RIMS2: variants seen among roughly 807,000 people sequenced by gnomAD.
The protein encoded by RIMS2 is regulating synaptic membrane exocytosis 2.
In RIMS2, 59 loss-of-function variants were observed where a neutral mutation model predicts 174.4. The ratio of observed to expected loss-of-function variants is 0.34; its 90% CI spans 0.27 to 0.42. RIMS2 has a LOEUF of 0.42. RIMS2 is among the 10% of genes least tolerant of loss of function. RIMS2 has a pLI of 1.00. For missense variants in RIMS2, 1,620 were observed against 1,666.3 expected (o/e 0.97, Z 0.48); for synonymous variants, 606 against 572.5 (o/e 1.06, Z -0.84).
At chr8:103,728,696 A>G (rs1358594972) in intron 2 of RIMS2, among the ~76,000 whole-genome samples, 2 of 136,496 alleles carry the variant, frequency 1.5e-5, no homozygotes, top group African/African-American at 5.6e-5. Flanking sequence ...ACAGTGTTAT[A>G]CTCAATGTAG....
chr8:103,579,538 A>G (rs1387001565), intron 1 of RIMS2, among the ~76,000 whole-genome samples: 1 of 152,214 alleles, frequency 6.6e-6, no homozygotes, highest in Non-Finnish European at 1.5e-5. Flanking sequence ...ATTTTGAGAC[A>G]ACATAAAGTA....
chr8:104,036,556 A>T (rs1158465619), intron 19 of RIMS2, among the ~76,000 whole-genome samples: 2 of 152,134 alleles, frequency 1.3e-5, no homozygotes, highest in Non-Finnish European at 2.9e-5. Context: ...GAAAAACAGC[A>T]CAGCTCAAAA....
chr8:104,186,018 A>C (rs899216195), intron 19 of RIMS2, among the ~76,000 whole-genome samples: 5 of 151,670 alleles, frequency 3.3e-5, no homozygotes, highest in Non-Finnish European at 7.4e-5. Context: ...AATGTGATAT[A>C]TATACATATA....
At chr8:103,565,310 G>GT (rs34784500) in intron 1 of RIMS2, among the ~76,000 whole-genome samples, 100 of 146,772 alleles carry the variant, frequency 6.8e-4, no homozygotes, top group African/African-American at 1.2e-3. Context: ...GCTGTTTAAT[G>GT]TTTTTTTTTT....
chr8:103,554,361 C>G (rs1849468359), intron 1 of RIMS2, among the ~76,000 whole-genome samples: 2 of 152,066 alleles, frequency 1.3e-5, no homozygotes, highest in Non-Finnish European at 2.9e-5. Context: ...ACAAACAGCA[C>G]CATTAAAAAG....
chr8:103,576,052 T>C (rs2093207547), intron 1 of RIMS2, among the ~76,000 whole-genome samples: 1 of 152,192 alleles, frequency 6.6e-6, no homozygotes, highest in Non-Finnish European at 1.5e-5. Context: ...GCAGGACCAC[T>C]ATCCTCAGCA....
At chr8:103,904,397 A>G (rs556949933) in intron 4 of RIMS2, among the ~76,000 whole-genome samples, 1 of 152,054 alleles carries the variant, frequency 6.6e-6, no homozygotes, top group Non-Finnish European at 1.5e-5. Flanking sequence ...TTCTGTTTAT[A>G]TAAAGCATTC....
intron 19 of RIMS2, among the ~76,000 whole-genome samples, chr8:104,181,124 C>A (rs1026745752): frequency 6.6e-6 from 1 of 151,444 alleles, no homozygotes; most frequent in Non-Finnish European, 1.5e-5. Context: ...TTCATAAAGT[C>A]CTTTATTATG....
chr8:103,815,103 T>A (rs1187267804), intron 3 of RIMS2, among the ~76,000 whole-genome samples: 1 of 152,200 alleles, frequency 6.6e-6, no homozygotes, highest in African/African-American at 2.4e-5. Context: ...AAATTTGTCA[T>A]GTTCTTACCC....
chr8:103,735,690 C>T (rs1039104319), intron 2 of RIMS2, among the ~76,000 whole-genome samples: 16 of 152,022 alleles, frequency 1.1e-4, no homozygotes, highest in African/African-American at 3.4e-4. Context: ...AATATTTGGC[C>T]TGGGATTAGT....
intron 14 of RIMS2, among the ~76,000 whole-genome samples, chr8:103,955,718 C>G (rs375140097): frequency 6.6e-6 from 1 of 152,118 alleles, no homozygotes; most frequent in Admixed American, 6.5e-5. Context: ...TCTCACCACT[C>G]CTATTCAAGG....
At position 103,949,773 on chromosome 8, in the gene RIMS2, G is replaced by T. The variant is rs115092537; in HGVS notation, c.2701+6847G>T. On this transcript the variant is annotated intron_variant, in intron 14 of 23. Coordinates refer to ENST00000504942, the Ensembl canonical transcript of RIMS2. Reference sequence around the variant, plus strand: ...ATAGACTCAAATTAAGTAGAAGAAAGGGAATAAAAGTCAAAATAGAAATAA... The same window carrying T: ...ATAGACTCAAATTAAGTAGAAGAAATGGAATAAAAGTCAAAATAGAAATAA... Among the ~76,000 whole-genome samples the T allele has an allele frequency of 3.3e-3, 508 of 152,020 alleles. 2 individuals carry two copies. The highest frequency in any genetic ancestry group is 0.012 in the African/African-American group (482 of 41,476).
Position 103,736,057 on chromosome 8 carries a change from A to G in RIMS2, c.388-30170A>G, listed in dbSNP as rs140434993. ...TTATGCGCGTAATATTCTGGTTTAT[A>G]ACTCCATCTTCCTTTGTGGCACCTT... On this transcript the variant is annotated intron_variant, in intron 2 of 23. Coordinates refer to ENST00000504942, the Ensembl canonical transcript of RIMS2. Among the ~76,000 whole-genome samples the G allele has an allele frequency of 2.1e-3, 321 of 152,258 alleles. 1 individual carries two copies. The highest frequency in any genetic ancestry group is 7.6e-3 in the African/African-American group (316 of 41,546).
chr8:103,754,957 T>C (rs1316132023), intron 2 of RIMS2, among the ~76,000 whole-genome samples: 2 of 152,206 alleles, frequency 1.3e-5, no homozygotes, highest in Non-Finnish European at 2.9e-5. Context: ...ATGTGTGAAT[T>C]TGATCCTGCC....
intron 17 of RIMS2, among the ~76,000 whole-genome samples, chr8:103,998,722 C>G (rs13268881): frequency 0.19 from 29,336 of 151,486 alleles, 3,536 homozygotes; most frequent in Middle Eastern, 0.36. Flanking sequence ...TCAGAGGTGG[C>G]TGTAATCTAC....
At chr8:103,789,131 C>T (rs1401943145) in intron 3 of RIMS2, among the ~76,000 whole-genome samples, 9 of 152,302 alleles carry the variant, frequency 5.9e-5, no homozygotes, top group African/African-American at 1.9e-4. Flanking sequence ...TGCTTCGGCT[C>T]GTGCACGGTG....
chr8:103,883,996 A>G (rs1419393360), intron 3 of RIMS2, among the ~76,000 whole-genome samples: 2 of 151,818 alleles, frequency 1.3e-5, no homozygotes, highest in African/African-American at 2.4e-5. Context: ...CCTGTCGCCC[A>G]TTCAACTGTT....
chr8:104,079,615 A>AC (rs2097369355), intron 19 of RIMS2, among the ~76,000 whole-genome samples: 3 of 124,582 alleles, frequency 2.4e-5, no homozygotes, highest in African/African-American at 9.2e-5. Context: ...ATATATATAT[A>AC]TATATATATA....
chr8:103,652,330 G>C, intron 1 of RIMS2, 93 bp downstream of exon 2: 1 of 684,000 alleles, frequency 1.5e-6, no homozygotes, highest in South Asian at 1.5e-5. Context: ...TACTGGATAG[G>C]CTGCAGCTAG....
Sources: allele counts gnomAD v4.1 joint callset (sites outside exome capture counted in the v4.1 genomes callset), GRCh38; gene constraint gnomAD v4.1.1; transcripts MANE v1.5; gene names NCBI Gene and HGNC (gene_info 2026-07-23, HGNC 2026-07-21).